Variants in FIP1L1 observed in about 807,000 individuals in gnomAD.
The protein encoded by FIP1L1 is pre-mRNA 3'-end-processing factor FIP1.
Under a neutral mutation model 84.6 loss-of-function variants are expected in FIP1L1, and 21 were observed. That is an observed-to-expected ratio of 0.25 (90% CI 0.18 to 0.36). FIP1L1 has a LOEUF of 0.36. FIP1L1 is among the 10% of genes least tolerant of loss of function. The pLI, the probability that FIP1L1 is intolerant of heterozygous loss-of-function variation, is 1.00. For synonymous variants in FIP1L1, 263 were observed against 242.3 expected, an observed-to-expected ratio of 1.09 and a Z score of -0.80; for missense variants, 526 against 751.1, an observed-to-expected ratio of 0.70 and a Z score of 3.50.
chr4:53,409,980 A>G (rs1187582356), intron 10 of FIP1L1, among the ~76,000 whole-genome samples: 3 of 152,212 alleles, frequency 2.0e-5, no homozygotes, highest in Admixed American at 2.0e-4. Context: ...TGGCTCGCCC[A>G]TGGTGCGCTG....
At chr4:53,442,810 CCTGT>C (rs1243711897) in intron 14 of FIP1L1, 103 bp downstream of exon 14, 2 of 632,708 alleles carry the variant, frequency 3.2e-6, no homozygotes, top group Middle Eastern at 2.6e-4. Context: ...AAACACAGCA[CCTGT>C]CTTTTAATTT....
At chr4:53,455,403 AT>A (rs1165273255) in intron 16 of FIP1L1, among the ~76,000 whole-genome samples, 1 of 152,090 alleles carries the variant, frequency 6.6e-6, no homozygotes, top group African/African-American at 2.4e-5. Context: ...TTAGCTTTTG[AT>A]TTAAAATGAG....
At chr4:53,436,798 T>G (rs1769414180) in intron 13 of FIP1L1, among the ~76,000 whole-genome samples, 1 of 152,230 alleles carries the variant, frequency 6.6e-6, no homozygotes, top group Non-Finnish European at 1.5e-5. Context: ...ACAGGAATGC[T>G]GCCTTTCTGT....
At chr4:53,405,324 T>A (rs914381930) in intron 10 of FIP1L1, among the ~76,000 whole-genome samples, 3 of 152,090 alleles carry the variant, frequency 2.0e-5, no homozygotes, top group African/African-American at 4.8e-5. Flanking sequence ...GTTGTAGACA[T>A]GCGGCATTAT....
chr4:53,444,254 A>G, intron 15 of FIP1L1, 151 bp downstream of exon 15: 1 of 505,764 alleles, frequency 2.0e-6, no homozygotes, highest in Non-Finnish European at 3.5e-6. Context: ...TGTATCTGCC[A>G]GGTTAGCAAA....
intron 9 of FIP1L1, among the ~76,000 whole-genome samples, chr4:53,397,412 T>C (rs886253418): frequency 5.3e-5 from 8 of 152,192 alleles, no homozygotes; most frequent in African/African-American, 1.9e-4. Context: ...AACACCGTTT[T>C]TATTCTTATC....
chr4:53,389,783 GT>G (rs753841262), intron 5 of FIP1L1, 25 bp from the exon 6 acceptor site: 108 of 1,527,204 alleles, frequency 7.1e-5, no homozygotes, highest in Admixed American at 2.1e-4. Flanking sequence ...GATAATTTCT[GT>G]TTTTTTTTGT....
Position 53,453,092 on chromosome 4 carries a change from G to C in FIP1L1, c.1458G>C (p.Glu486Asp), listed in dbSNP as rs1218423544. 6.2e-7 allele frequency: 1 copy of C among 1,613,950 alleles called. No individual in the cohort carries two copies. The highest frequency in any genetic ancestry group is 8.5e-7 in the Non-Finnish European group (1 of 1,179,874). The change falls in exon 16 of 18, where the codon GAG becomes GAC. Residue 486 changes from glutamate (E) to aspartate (D), a missense_variant. Physicochemically the swap from Glu to Asp is conservative, Grantham distance 45. This residue lies in a region of FIP1L1 where 89 missense variants were observed against 169.0 expected (regional missense o/e 0.53). Transcript: ENST00000337488. ...DRERERTRERERERDHSPTPS... is the reference protein window; with the variant it reads ...DRERERTRERDRERDHSPTPS... ...AAAGAGAACGCACCAGAGAGAGAGA[G>C]AGGGAGCGTGATCACAGTCCTACAC...
At chr4:53,416,070 A>G (rs1405072301) in intron 11 of FIP1L1, among the ~76,000 whole-genome samples, 1 of 152,240 alleles carries the variant, frequency 6.6e-6, no homozygotes, top group African/African-American at 2.4e-5. Flanking sequence ...TAAATAAAGA[A>G]AAGTTAGATC....
intron 11 of FIP1L1, among the ~76,000 whole-genome samples, chr4:53,423,399 C>T (rs1375586644): frequency 6.6e-6 from 1 of 152,154 alleles, no homozygotes; most frequent in Non-Finnish European, 1.5e-5. Flanking sequence ...TCTTAAGTTA[C>T]AGTAGATTTC....
intron 13 of FIP1L1, among the ~76,000 whole-genome samples, chr4:53,434,223 A>G (rs992414316): frequency 2.0e-5 from 3 of 152,178 alleles, no homozygotes; most frequent in Non-Finnish European, 4.4e-5. Flanking sequence ...TACACTCATT[A>G]CATGTTAACA....
intron 5 of FIP1L1, among the ~76,000 whole-genome samples, chr4:53,384,470 G>A (rs1739825900): frequency 6.6e-6 from 1 of 151,712 alleles, no homozygotes; most frequent in African/African-American, 2.4e-5. Context: ...TCCTTAAATT[G>A]TAATTTGTAT....
rs573216950 is a variant in FIP1L1 at position 53,422,819 on chromosome 4, A to G, written c.924-3053A>G. 7.2e-5 allele frequency among the ~76,000 whole-genome samples: 11 copies of G among 152,056 alleles called. No individual in the cohort carries two copies. In the East Asian group the frequency reaches 7.7e-4, roughly 11 times the overall value. ...ATCCTTCATCTCCTGGACTCAAGCA[A>G]TCCTCTCACCTAAGCCCTCTGAATA... On this transcript the variant is annotated intron_variant, in intron 11 of 17. Coordinates refer to ENST00000337488, the MANE Select transcript of FIP1L1 (RefSeq NM_030917.4).
rs1736482328 is a variant in FIP1L1, at chr4:53,379,247, A to G, written c.153A>G (p.Pro51=). The G allele has an allele frequency of 6.2e-7, 1 of 1,600,200 alleles. No individual in the cohort carries two copies. The highest frequency in any genetic ancestry group is 8.5e-7 in the Non-Finnish European group (1 of 1,176,436). Residue 51 remains proline, a synonymous_variant, in exon 3 of 18, where the codon CCA becomes CCG. Transcript: ENST00000337488. ...TAGATGAAAATGAAGTTGAAAGGCC[A>G]GAAGAAGAAAATGCCAGGTTAGTGA... ...KDLDENEVER[P]EEENASANPP... is the part of the protein sequence containing the mutation.
At chr4:53,382,089 C>A (rs1478844288) in intron 3 of FIP1L1, among the ~76,000 whole-genome samples, 189 bp from the exon 4 acceptor site, 2 of 151,934 alleles carry the variant, frequency 1.3e-5, no homozygotes, top group African/African-American at 4.8e-5. Context: ...ATTCTACTTA[C>A]AATGTTGAGT....
intron 10 of FIP1L1, among the ~76,000 whole-genome samples, chr4:53,404,443 G>C (rs1325345056): frequency 6.6e-6 from 1 of 151,978 alleles, no homozygotes; most frequent in Non-Finnish European, 1.5e-5. Context: ...CCAAGTCTTT[G>C]CTATTGTGAA....
At chr4:53,377,979 C>G (rs2149203060) in intron 1 of FIP1L1, 56 bp downstream of exon 1, 2 of 1,417,664 alleles carry the variant, frequency 1.4e-6, no homozygotes, top group South Asian at 2.8e-5. Context: ...CCTCTTGGCC[C>G]TCAAACGGCC....
intron 13 of FIP1L1, among the ~76,000 whole-genome samples, chr4:53,437,940 T>C (rs1452023062): frequency 6.6e-6 from 1 of 152,010 alleles, no homozygotes; most frequent in Non-Finnish European, 1.5e-5. Context: ...TTAGCCAAGA[T>C]GGTCTCCATC....
intron 5 of FIP1L1, among the ~76,000 whole-genome samples, chr4:53,389,213 G>A (rs1025844897): frequency 1.3e-5 from 2 of 152,072 alleles, no homozygotes; most frequent in Non-Finnish European, 2.9e-5. Flanking sequence ...ATGAATAGTT[G>A]AAAAAGGATT....
Sources: allele counts gnomAD v4.1 joint callset (sites outside exome capture counted in the v4.1 genomes callset), GRCh38; gene constraint gnomAD v4.1.1; regional missense constraint gnomAD v4.1.1; transcripts MANE v1.5; gene names NCBI Gene and HGNC (gene_info 2026-07-23, HGNC 2026-07-21).